SMOX: variants seen among roughly 807,000 people sequenced by gnomAD.
SMOX encodes flavin containing amine oxidase.
A neutral mutation model predicts 51.0 loss-of-function variants in SMOX; 22 were observed. The observed-to-expected ratio is 0.43, with a 90% confidence interval of 0.31 to 0.62. The LOEUF is 0.62. SMOX is among the 20% of genes least tolerant of loss of function. The probability of loss-of-function intolerance (pLI) is 0.10; values close to 1 mark genes in which losing one functional copy is unlikely to be tolerated. For missense variants in SMOX, 566 were observed against 777.7 expected, an observed-to-expected ratio of 0.73 and a Z score of 3.24; for synonymous variants, 282 against 307.8, an observed-to-expected ratio of 0.92 and a Z score of 0.88.
In SMOX at chr20:4,182,198, T is replaced by C. The variant is rs759460337; in HGVS notation, c.719T>C (p.Met240Thr). ...GAHHIIPSGFMRVVELLAEGI... is the reference protein window; with the variant it reads ...GAHHIIPSGFTRVVELLAEGI... ...CACCACATCATCCCCTCGGGCTTCA[T>C]GCGGGTTGTGGAGCTGCTGGCGGAG... The change falls in exon 5 of 7, where the codon ATG (methionine) becomes ACG (threonine). Residue 240 changes from methionine to threonine, a missense_variant. Met to Thr is a moderately conservative substitution (Grantham distance 81). Transcript: ENST00000305958. The surrounding 1 kb of genome is among the most constrained non-coding windows in gnomAD (Gnocchi z 8.4). The C allele has an allele frequency of 1.9e-6, 3 of 1,613,644 alleles. No homozygotes were observed. Among genetic ancestry groups the C allele is most frequent in the Admixed American group, 3.3e-5 (2 of 60,010 alleles).
At chr20:4,160,482 G>GCCTCTGAA (rs1986257006) in intron 1 of SMOX, among the ~76,000 whole-genome samples, 1 of 152,190 alleles carries the variant, frequency 6.6e-6, no homozygotes. Flanking sequence ...CGTCTGTCAT[G>GCCTCTGAA]CCTCTGAACC....
intron 1 of SMOX, among the ~76,000 whole-genome samples, chr20:4,165,328 A>C (rs145322196): frequency 8.5e-5 from 13 of 152,106 alleles, no homozygotes; most frequent in Non-Finnish European, 1.8e-4. Flanking sequence ...TGCTGGGATT[A>C]CAGGCCTGAG....
At position 4,182,709 on chromosome 20, in the gene SMOX, C is replaced by T. The variant is rs777484340; in HGVS notation, c.1230C>T (p.Gly410=). The T allele has an allele frequency of 6.2e-7, 1 of 1,614,194 alleles. No homozygotes were observed. Among genetic ancestry groups the T allele is most frequent in the Non-Finnish European group, 8.5e-7 (1 of 1,180,038 alleles). ...AGCTCTGGTACCGCAAGATCTGCGG[C>T]TTTGATGTCCTCTACCCGCCTGAGC... is the stretch of plus-strand genomic sequence containing the variant. ...PPELWYRKIC[G]FDVLYPPERY... Residue 410 remains glycine (G), a synonymous_variant, in exon 5 of 7, where the codon GGC becomes GGT. Transcript: ENST00000305958. This position sits in a 1 kb window ranked among gnomAD's most constrained non-coding sequence, Gnocchi z 8.4.
At chr20:4,186,879 G>A (rs140183686) in intron 6 of SMOX, 171 of 773,946 alleles carry the variant, frequency 2.2e-4, no homozygotes, top group East Asian at 4.6e-4. Flanking sequence ...GTTCTTCCAG[G>A]TTCTAAGTGC....
At chr20:4,155,888 G>A (rs185871871) in intron 1 of SMOX, among the ~76,000 whole-genome samples, 3 of 152,244 alleles carry the variant, frequency 2.0e-5, no homozygotes, top group African/African-American at 7.2e-5. Context: ...TGAGGGGCTG[G>A]CAGGGTAGGG....
At chr20:4,157,634 G>A (rs1986076446) in intron 1 of SMOX, among the ~76,000 whole-genome samples, 2 of 152,138 alleles carry the variant, frequency 1.3e-5, no homozygotes, top group South Asian at 4.1e-4. Context: ...AAGGTTTTGA[G>A]CAGGGCAGTG....
At position 4,149,580 on chromosome 20, in the gene SMOX, C is replaced by T. The variant is rs1985626462; in HGVS notation, c.-27+603C>T. Among the ~76,000 whole-genome samples the T allele has an allele frequency of 1.3e-5, 2 of 152,152 alleles. No homozygotes were observed. ...GGCCAACTAGGGGCTCACGGGTTGT[C>T]CCGGGCTTGGCGGGAGCCGGGCTCG... On this transcript the variant is annotated intron_variant, in intron 1 of 6. Transcript: ENST00000305958. This position sits in a 1 kb window ranked among gnomAD's most constrained non-coding sequence, Gnocchi z 6.0.
At chr20:4,169,263 A>G (rs866483599) in intron 1 of SMOX, among the ~76,000 whole-genome samples, 5 of 151,922 alleles carry the variant, frequency 3.3e-5, no homozygotes, top group Non-Finnish European at 7.4e-5. Flanking sequence ...TTGCCTCCCA[A>G]AGTGCCGCGA....
rs190756930 is a variant in SMOX at position 4,178,147 on chromosome 20, T to C, written c.435+570T>C. Among the ~76,000 whole-genome samples, 13 of 152,346 alleles carry C rather than the reference T, an allele frequency of 8.5e-5. No homozygotes were observed. The East Asian group carries it at 2.5e-3, about 29-fold the overall frequency. On this transcript the variant is annotated intron_variant, in intron 3 of 6. Coordinates refer to ENST00000305958, the MANE Select transcript of SMOX (RefSeq NM_175839.3). ...ACCTCTACCTCTCTGGTTCAAGCGA[T>C]TCTCCTGCCTCAGCCTCCTGAGTAG...
In SMOX at chr20:4,177,320, G is replaced by GC. The variant is rs1317378557; in HGVS notation, c.209-29dup. On this transcript the variant is annotated intron_variant, in intron 2 of 6. Transcript: ENST00000305958. The surrounding 1 kb of genome is among the most constrained non-coding windows in gnomAD (Gnocchi z 4.3). ...TGGCCCTCTCTGGAGAAGTCCCTAA[G>GC]CCTCTAAGGGCCTGCTGTTGTCACC... 1 of 1,541,720 alleles carries GC rather than the reference G, an allele frequency of 6.5e-7. No individual in the cohort carries two copies. The highest frequency in any genetic ancestry group is 8.8e-7 in the Non-Finnish European group (1 of 1,138,538).
chr20:4,178,420 T>C (rs1979053286), intron 3 of SMOX, among the ~76,000 whole-genome samples: 1 of 152,234 alleles, frequency 6.6e-6, no homozygotes, highest in African/African-American at 2.4e-5. Context: ...ATTTTTTTCT[T>C]GCCTTATTGC....
At position 4,170,494 on chromosome 20, in the gene SMOX, TCTCA is replaced by T. The variant is rs986720034; in HGVS notation, c.-26-4532_-26-4529del. The stretch of plus-strand genomic sequence containing the variant: ...TCACTTTTTTTTTTCTGAGACAGGG[TCTCA>T]CTCTGTTGCCCAGGCTGGAGCACCA... On this transcript the variant is annotated intron_variant, in intron 1 of 6. Coordinates refer to ENST00000305958, the MANE Select transcript of SMOX (RefSeq NM_175839.3). The surrounding 1 kb of genome is among the most constrained non-coding windows in gnomAD (Gnocchi z 4.6). Among the ~76,000 whole-genome samples, 28 of 152,102 alleles carry T rather than the reference TCTCA, an allele frequency of 1.8e-4. No homozygotes were observed. The highest frequency in any genetic ancestry group is 6.7e-4 in the African/African-American group (28 of 41,500).
At chr20:4,158,146 C>T (rs13038476) in intron 1 of SMOX, among the ~76,000 whole-genome samples, 93,897 of 149,950 alleles carry the variant, frequency 0.63, 29,661 homozygotes, top group Admixed American at 0.69. Flanking sequence ...GTGATCCGCC[C>T]GCCTTGGCCT....
intron 1 of SMOX, among the ~76,000 whole-genome samples, chr20:4,173,310 G>A (rs1465327367): frequency 6.6e-6 from 1 of 152,202 alleles, no homozygotes; most frequent in Non-Finnish European, 1.5e-5. Flanking sequence ...TCGTGTGAAT[G>A]AAGTCATACA....
At chr20:4,152,543 C>T (rs1985814976) in intron 1 of SMOX, among the ~76,000 whole-genome samples, 1 of 151,940 alleles carries the variant, frequency 6.6e-6, no homozygotes, top group Non-Finnish European at 1.5e-5. Flanking sequence ...GGTAACACCG[C>T]GACGTGGGTG....
At chr20:4,158,234 G>C (rs758486173) in intron 1 of SMOX, among the ~76,000 whole-genome samples, 7 of 152,148 alleles carry the variant, frequency 4.6e-5, no homozygotes, top group Admixed American at 6.5e-5. Flanking sequence ...GAGGAGCTAC[G>C]GTGGTGCGTG....
At chr20:4,176,601 A>G (rs887297372) in intron 2 of SMOX, among the ~76,000 whole-genome samples, 1 of 152,102 alleles carries the variant, frequency 6.6e-6, no homozygotes, top group African/African-American at 2.4e-5. Context: ...ATGGGGAGGA[A>G]TGGGAGAAGG....
At chr20:4,160,318 A>G (rs371180976) in intron 1 of SMOX, among the ~76,000 whole-genome samples, 1 of 152,164 alleles carries the variant, frequency 6.6e-6, no homozygotes, top group African/African-American at 2.4e-5. Flanking sequence ...GTGTGTGCAT[A>G]TCAGTATGTG....
chr20:4,160,061 T>C (rs1224277419), intron 1 of SMOX, among the ~76,000 whole-genome samples: 1 of 152,222 alleles, frequency 6.6e-6, no homozygotes, highest in Non-Finnish European at 1.5e-5. Context: ...AATTAGAACT[T>C]GTCCCTGGCC....
Sources: allele counts gnomAD v4.1 joint callset (sites outside exome capture counted in the v4.1 genomes callset), GRCh38; gene constraint gnomAD v4.1.1; non-coding constraint Gnocchi (gnomAD v3.1); transcripts MANE v1.5; gene names NCBI Gene and HGNC (gene_info 2026-07-23, HGNC 2026-07-21).